TAF1: variants seen among roughly 807,000 people sequenced by gnomAD.
The protein encoded by TAF1 is TATA-box binding protein associated factor 1, also known as transcription initiation factor TFIID subunit 1.
Under a neutral mutation model 138.5 loss-of-function variants are expected in TAF1, and 2 were observed. That is an observed-to-expected ratio of 0.01 (90% CI 0.01 to 0.05). TAF1 has a LOEUF of 0.05. TAF1 is among the 10% of genes least tolerant of loss of function. The pLI is 1.00. For synonymous variants in TAF1, 437 were observed against 503.2 expected (o/e 0.87, Z 1.76); for missense variants, 709 against 1,478.0 (o/e 0.48, Z 8.53).
At chrX:71,420,673 C>T (rs771757752) in intron 28 of TAF1, among the ~76,000 whole-genome samples, 2 of 112,988 alleles carry the variant, frequency 1.8e-5, no homozygotes, top group African/African-American at 6.4e-5. Context: ...CGCTGTCTTC[C>T]GGGTCACCCT....
At chrX:71,460,064 C>T (rs2038482803) in intron 36 of TAF1, among the ~76,000 whole-genome samples, 1 of 111,535 alleles carries the variant, frequency 9.0e-6, no homozygotes, top group South Asian at 3.8e-4. Flanking sequence ...CATAGCGAGA[C>T]CCTGTCTCTA....
In TAF1 at chrX:71,464,310, C is replaced by T. The variant is rs1307592697; in HGVS notation, c.*264C>T. ...AAGAGCAAGCTCATTTTTCCGTGTC[C>T]TCCTTTATTTAACTCCATTTATTGC... On this transcript the variant is annotated 3_prime_UTR_variant, in exon 38 of 38. Transcript: ENST00000423759. 2.5e-6 allele frequency: 1 copy of T among 396,029 alleles called. No homozygotes were observed. Among genetic ancestry groups the T allele is most frequent in the Non-Finnish European group, 4.3e-6 (1 of 231,683 alleles). The allele number at this position is 396,029 out of a possible 1,213,427, so 32.6% of individuals were successfully genotyped here. A position where few individuals can be genotyped will look rare whatever the true frequency, so the allele number is the denominator to read the frequency against.
At chrX:71,462,343 C>T (rs947244058) in intron 37 of TAF1, among the ~76,000 whole-genome samples, 4 of 111,212 alleles carry the variant, frequency 3.6e-5, no homozygotes, top group Non-Finnish European at 5.7e-5. Context: ...TTTGGGAGGC[C>T]GAGGCAGGCA....
At chrX:71,504,800 ATGAT>A (rs1445150807) in intron 13 of TAF1, among the ~76,000 whole-genome samples, 1 of 105,860 alleles carries the variant, frequency 9.4e-6, no homozygotes, top group Non-Finnish European at 1.9e-5. Flanking sequence ...AAAAGTAAAA[ATGAT>A]TGAGCATAAA....
intron 13 of TAF1, among the ~76,000 whole-genome samples, chrX:71,526,722 A>G (rs7883884): frequency 0.16 from 18,110 of 110,088 alleles, 1,446 homozygotes; most frequent in East Asian, 0.49. Context: ...TCACATACGT[A>G]TGTCTCTTCA....
chrX:71,438,448 G>A (rs759035334), intron 32 of TAF1, among the ~76,000 whole-genome samples: 1 of 111,695 alleles, frequency 9.0e-6, no homozygotes, highest in East Asian at 2.8e-4. Flanking sequence ...GCATGTATCA[G>A]AGTTTCATTC....
At chrX:71,459,295 T>C in intron 35 of TAF1, 1 of 1,120,067 alleles carries the variant, frequency 8.9e-7, no homozygotes, top group Non-Finnish European at 1.2e-6. Flanking sequence ...TATGCCCTTA[T>C]ATGATAGGAG....
intron 35 of TAF1, chrX:71,459,234 CCTAAGA>C: frequency 8.9e-7 from 1 of 1,123,857 alleles, no homozygotes; most frequent in Non-Finnish European, 1.2e-6. Flanking sequence ...GGATGGGAAA[CCTAAGA>C]CTCCAGCCCC....
intron 13 of TAF1, among the ~76,000 whole-genome samples, chrX:71,520,448 C>T (rs1367706706): frequency 2.3e-4 from 25 of 108,701 alleles, no homozygotes; most frequent in Non-Finnish European, 3.1e-4. Context: ...TTTGGGAGGC[C>T]GAGGCAGGCT....
At chrX:71,367,166 C>G (rs1046453807) in intron 1 of TAF1, among the ~76,000 whole-genome samples, 7 of 112,666 alleles carry the variant, frequency 6.2e-5, no homozygotes, top group Non-Finnish European at 1.3e-4. Flanking sequence ...CTCGACGCCT[C>G]CAATCCCACT....
chrX:71,441,233 T>TTTTTTTA (rs1472338260), intron 32 of TAF1, among the ~76,000 whole-genome samples: 3 of 110,574 alleles, frequency 2.7e-5, no homozygotes, highest in African/African-American at 9.8e-5. Context: ...GGCCCAGTTT[T>TTTTTTTA]TTTTTTATTT....
At chrX:71,515,658 C>G (rs2039810853) in intron 13 of TAF1, among the ~76,000 whole-genome samples, 2 of 111,211 alleles carry the variant, frequency 1.8e-5, no homozygotes, top group African/African-American at 3.3e-5. Flanking sequence ...CAGACCCTCT[C>G]CCCCATCCCC....
chrX:71,411,993 T>C (rs954388239), intron 28 of TAF1, among the ~76,000 whole-genome samples: 5 of 111,797 alleles, frequency 4.5e-5, no homozygotes, highest in Non-Finnish European at 7.5e-5. Flanking sequence ...CAACCTCAGG[T>C]GATCTGCCCG....
At chrX:71,406,588 C>G (rs763771408) in intron 25 of TAF1, 50 bp from the exon 26 acceptor site, 76 of 1,121,892 alleles carry the variant, frequency 6.8e-5, no homozygotes, top group Non-Finnish European at 8.4e-5. Flanking sequence ...TTTTTTCCCC[C>G]TGGGAACTAG....
At chrX:71,491,237 C>G (rs1228414096) in intron 13 of TAF1, 1 of 109,252 alleles carries the variant, frequency 9.2e-6, no homozygotes, top group African/African-American at 3.3e-5. Context: ...GCGGGAGCCT[C>G]GGGAGAGAGC....
intron 16 of TAF1, 170 bp from the exon 17 acceptor site, chrX:71,388,568 T>C (rs2148338796): frequency 1.1e-6 from 1 of 900,436 alleles, no homozygotes; most frequent in East Asian, 3.3e-5. Flanking sequence ...GATTGTTGGA[T>C]ATCTTCTATG....
At chrX:71,509,886 C>T (rs997262467) in intron 13 of TAF1, among the ~76,000 whole-genome samples, 30 of 110,771 alleles carry the variant, frequency 2.7e-4, no homozygotes, top group African/African-American at 8.9e-4. Flanking sequence ...GAATGAGGCA[C>T]GAGAATCTCT....
At chrX:71,375,968 A>G (rs1183827599) in intron 4 of TAF1, among the ~76,000 whole-genome samples, 1 of 112,842 alleles carries the variant, frequency 8.9e-6, no homozygotes, top group Non-Finnish European at 1.9e-5. Flanking sequence ...TAAATTAGGA[A>G]GGTGCCCTGG....
intron 18 of TAF1, 111 bp from the exon 19 acceptor site, chrX:71,392,457 AT>A (rs1289786273): frequency 1.5e-5 from 15 of 976,906 alleles, no homozygotes; most frequent in Non-Finnish European, 1.9e-5. Context: ...GAAATTAAAA[AT>A]TAGAAAAAAA....
Sources: allele counts gnomAD v4.1 joint callset (sites outside exome capture counted in the v4.1 genomes callset), GRCh38; gene constraint gnomAD v4.1.1; transcripts MANE v1.5; gene names NCBI Gene and HGNC (gene_info 2026-07-23, HGNC 2026-07-21).